CNTNAP2: variants seen among roughly 807,000 people sequenced by gnomAD.
CNTNAP2 encodes contactin associated protein 2.
In CNTNAP2, 98 loss-of-function variants were observed where a neutral mutation model predicts 155.2. That is an observed-to-expected ratio of 0.63 (90% CI 0.54 to 0.75). The LOEUF is 0.75. Among genes scored for constraint, CNTNAP2 ranks in the 30% least tolerant of loss-of-function variants. The pLI is 0.00. For missense variants in CNTNAP2, 1,727 were observed against 1,688.1 expected (o/e 1.02, Z -0.40); for synonymous variants, 651 against 631.2 (o/e 1.03, Z -0.47).
chr7:147,243,495 G>C (rs559610372), intron 8 of CNTNAP2, among the ~76,000 whole-genome samples: 2 of 152,070 alleles, frequency 1.3e-5, no homozygotes, highest in African/African-American at 4.8e-5. Flanking sequence ...ATATTCATGA[G>C]CACAGGTTTT....
At chr7:147,286,955 C>T (rs1437948713) in intron 8 of CNTNAP2, among the ~76,000 whole-genome samples, 1 of 151,994 alleles carries the variant, frequency 6.6e-6, no homozygotes, top group African/African-American at 2.4e-5. Context: ...TTCTCCTATT[C>T]TTTTACTGGC....
At chr7:146,546,061 T>C (rs7796653) in intron 1 of CNTNAP2, among the ~76,000 whole-genome samples, 3,157 of 151,984 alleles carry the variant, frequency 0.021, 116 homozygotes, top group African/African-American at 0.07. Flanking sequence ...AGGCTTTATA[T>C]AAGAAATGGA....
At chr7:147,346,320 A>G (rs920354662) in intron 9 of CNTNAP2, among the ~76,000 whole-genome samples, 5 of 144,292 alleles carry the variant, frequency 3.5e-5, no homozygotes, top group African/African-American at 1.3e-4. Flanking sequence ...GCGCCCGGCT[A>G]ATTTTTTGTA....
At chr7:146,661,094 G>A (rs758799924) in intron 1 of CNTNAP2, among the ~76,000 whole-genome samples, 2 of 152,104 alleles carry the variant, frequency 1.3e-5, no homozygotes, top group Non-Finnish European at 2.9e-5. Context: ...TTTTCCAGAG[G>A]CATTAAGCAT....
intron 3 of CNTNAP2, among the ~76,000 whole-genome samples, chr7:146,844,084 G>T (rs1803797398): frequency 1.3e-5 from 2 of 151,936 alleles, no homozygotes; most frequent in Non-Finnish European, 2.9e-5. Flanking sequence ...CTTATTAAAT[G>T]TTCATATGGA....
chr7:147,654,927 C>CTGATT (rs1298706953), intron 13 of CNTNAP2, among the ~76,000 whole-genome samples: 2 of 144,060 alleles, frequency 1.4e-5, no homozygotes, highest in East Asian at 4.0e-4. Context: ...AGCAATTCTC[C>CTGATT]TGCCTCAGCC....
At chr7:147,112,981 C>T (rs757475740) in intron 5 of CNTNAP2, among the ~76,000 whole-genome samples, 3 of 151,950 alleles carry the variant, frequency 2.0e-5, no homozygotes, top group Admixed American at 1.3e-4. Flanking sequence ...TTCTTTGGAC[C>T]TCTGGTAGAA....
chr7:147,888,625 A>G (rs1271187173), intron 13 of CNTNAP2, among the ~76,000 whole-genome samples: 1 of 147,250 alleles, frequency 6.8e-6, no homozygotes, highest in Non-Finnish European at 1.5e-5. Flanking sequence ...GCCAGAATGA[A>G]AGCAATCCCC....
chr7:146,843,639 A>G (rs1803786934), intron 3 of CNTNAP2, among the ~76,000 whole-genome samples: 1 of 151,558 alleles, frequency 6.6e-6, no homozygotes, highest in South Asian at 2.1e-4. Flanking sequence ...CGTATTCTAA[A>G]AGAGTTAAAG....
At chr7:146,630,439 AAC>A (rs1162448599) in intron 1 of CNTNAP2, among the ~76,000 whole-genome samples, 3 of 117,336 alleles carry the variant, frequency 2.6e-5, no homozygotes, top group South Asian at 3.1e-4. Flanking sequence ...CGCTGTGATA[AAC>A]ATGTGTGTGC....
chr7:147,040,235 C>G (rs2129253764), intron 3 of CNTNAP2, among the ~76,000 whole-genome samples: 1 of 152,250 alleles, frequency 6.6e-6, no homozygotes, highest in African/African-American at 2.4e-5. Flanking sequence ...AAAACTGCAA[C>G]TCTGTCTACA....
intron 3 of CNTNAP2, among the ~76,000 whole-genome samples, chr7:146,922,069 TC>T (rs1040960499): frequency 6.6e-6 from 1 of 152,142 alleles, no homozygotes; most frequent in Non-Finnish European, 1.5e-5. Flanking sequence ...AGATATCACA[TC>T]AGACCCACCC....
At chr7:147,667,507 A>G (rs1413475835) in intron 13 of CNTNAP2, among the ~76,000 whole-genome samples, 1 of 152,192 alleles carries the variant, frequency 6.6e-6, no homozygotes, top group Non-Finnish European at 1.5e-5. Flanking sequence ...GGTAAACTAG[A>G]GGAGCCATAA....
intron 18 of CNTNAP2, among the ~76,000 whole-genome samples, chr7:148,207,129 A>G (rs1795463062): frequency 6.6e-6 from 1 of 152,258 alleles, no homozygotes; most frequent in African/African-American, 2.4e-5. Flanking sequence ...GGAGTCTAAG[A>G]AATGTTTACT....
chr7:146,155,148 C>T (rs1798105965), intron 1 of CNTNAP2, among the ~76,000 whole-genome samples: 1 of 152,116 alleles, frequency 6.6e-6, no homozygotes, highest in African/African-American at 2.4e-5. Flanking sequence ...TACAAAGCTC[C>T]TATGTGGTCA....
chr7:147,116,744 C>T lies in CNTNAP2; in HGVS notation c.755-4235C>T, dbSNP rs544227893. On this transcript the variant is annotated intron_variant, in intron 5 of 23. Transcript: ENST00000361727. ...ACTCCATCCCAGGGATAGAAAATAG[C>T]TCTGTCATGCAGGCAGGTGTGGTTG... Among the ~76,000 whole-genome samples, 32 of 152,062 alleles carry T rather than the reference C, an allele frequency of 2.1e-4. 1 individual carries two copies. The highest frequency in any genetic ancestry group is 1.0e-4 in the Non-Finnish European group (7 of 67,992).
intron 20 of CNTNAP2, among the ~76,000 whole-genome samples, chr7:148,262,883 T>C (rs1796589118): frequency 6.6e-6 from 1 of 152,176 alleles, no homozygotes; most frequent in South Asian, 2.1e-4. Context: ...GCTGCTGTTC[T>C]GAATTATGTT....
chr7:147,371,357 A>G (rs564011688), intron 9 of CNTNAP2, among the ~76,000 whole-genome samples: 3 of 152,160 alleles, frequency 2.0e-5, no homozygotes, highest in Admixed American at 6.6e-5. Flanking sequence ...CTACCTTTCT[A>G]TGCTGGTTTG....
At chr7:148,306,056 G>A (rs1039840341) in intron 21 of CNTNAP2, among the ~76,000 whole-genome samples, 2 of 152,168 alleles carry the variant, frequency 1.3e-5, no homozygotes, top group Non-Finnish European at 2.9e-5. Context: ...GTCTGAAAAT[G>A]TCTTTATTCT....
Sources: gnomAD v4.1 joint callset for allele counts (sites outside exome capture counted in the v4.1 genomes callset) on GRCh38, gnomAD v4.1.1 for gene constraint, MANE v1.5 for transcripts, NCBI Gene and HGNC (gene_info 2026-07-23, HGNC 2026-07-21) for gene names.